ADCY5: variants seen among roughly 807,000 people sequenced by gnomAD.
ADCY5 encodes the protein adenylate cyclase 5.
ADCY5 carries 30 observed loss-of-function variants against 119.7 expected under a neutral mutation model. The ratio of observed to expected loss-of-function variants is 0.25; its 90% CI spans 0.19 to 0.34. The LOEUF is 0.34. Ranked by LOEUF, ADCY5 falls within the 10% of genes least tolerant of loss-of-function variation. The probability of loss-of-function intolerance (pLI) is 1.00; values close to 1 mark genes in which losing one functional copy is unlikely to be tolerated. For synonymous variants in ADCY5, 753 were observed against 762.2 expected (o/e 0.99, Z 0.20); for missense variants, 1,324 against 1,775.2 (o/e 0.75, Z 4.57).
intron 3 of ADCY5, among the ~76,000 whole-genome samples, chr3:123,337,260 G>GCCCTTAGGAA (rs1257155341): frequency 2.6e-5 from 4 of 152,194 alleles, no homozygotes; most frequent in Non-Finnish European, 4.4e-5. Flanking sequence ...CTACGACCCA[G>GCCCTTAGGAA]CCCTTAGGAA....
chr3:123,297,172 GGCCTCT>G, intron 16 of ADCY5, 175 bp downstream of exon 16: 1 of 1,352,860 alleles, frequency 7.4e-7, no homozygotes, highest in Non-Finnish European at 1.0e-6. Flanking sequence ...AAGTGACCAG[GGCCTCT>G]GCCCCCCGAG....
At chr3:123,292,417 T>G (rs976208327) in intron 17 of ADCY5, among the ~76,000 whole-genome samples, 2 of 152,062 alleles carry the variant, frequency 1.3e-5, no homozygotes, top group Non-Finnish European at 1.5e-5. Context: ...GCCCTGCCCC[T>G]AAGGTAAGTG....
chr3:123,388,018 G>A (rs1944281349), intron 1 of ADCY5, among the ~76,000 whole-genome samples: 1 of 152,180 alleles, frequency 6.6e-6, no homozygotes, highest in Admixed American at 6.5e-5. Flanking sequence ...GACACTGGAG[G>A]GACAGAAAGC....
chr3:123,347,028 C>T (rs548981293), intron 3 of ADCY5, among the ~76,000 whole-genome samples: 17 of 152,274 alleles, frequency 1.1e-4, no homozygotes, highest in African/African-American at 2.6e-4. Context: ...GGCTCTGGAG[C>T]GGCCACTTGG....
chr3:123,400,934 T>C (rs1286517280), intron 1 of ADCY5, among the ~76,000 whole-genome samples: 1 of 149,188 alleles, frequency 6.7e-6, no homozygotes, highest in Non-Finnish European at 1.5e-5. Context: ...AGAACAAAAC[T>C]CCGTCTCAAA....
intron 1 of ADCY5, among the ~76,000 whole-genome samples, chr3:123,374,054 C>A (rs1210342873): frequency 2.0e-5 from 3 of 152,134 alleles, no homozygotes; most frequent in Non-Finnish European, 2.9e-5. Flanking sequence ...CAGGAGAAAC[C>A]ACACAAGTGG....
intron 3 of ADCY5, 91 bp from the exon 4 acceptor site, chr3:123,332,766 T>G (rs568846885): frequency 1.1e-6 from 1 of 911,122 alleles, no homozygotes. Flanking sequence ...TTCTTTTCTT[T>G]TTTTTTAAGA....
rs368728140 is a variant in ADCY5 at position 123,330,874 on chromosome 3, G to A, written c.1646+15C>T. The stretch of plus-strand genomic sequence containing the variant: ...TCCCAGGGAGGGAGACGGTACCCGG[G>A]GGGTGGACACTTACGAGATGGCCTC... On this transcript the variant is annotated intron_variant, in intron 5 of 20. Coordinates refer to ENST00000462833, the MANE Select transcript of ADCY5 (RefSeq NM_183357.3). 3 of 1,604,000 alleles carry A rather than the reference G, an allele frequency of 1.9e-6. No individual in the cohort carries two copies. In the African/African-American group the frequency reaches 4.0e-5, roughly 22 times the overall value.
At chr3:123,306,937 T>G (rs926582040) in intron 12 of ADCY5, among the ~76,000 whole-genome samples, 8 of 152,246 alleles carry the variant, frequency 5.3e-5, no homozygotes, top group African/African-American at 1.9e-4. Flanking sequence ...TGCTGTTACA[T>G]GCTACATGGA....
chr3:123,294,172 A>T (rs115290586), intron 17 of ADCY5, among the ~76,000 whole-genome samples: 1 of 152,134 alleles, frequency 6.6e-6, no homozygotes, highest in Non-Finnish European at 1.5e-5. Flanking sequence ...AAGCAAATCA[A>T]TGGAGGAGGA....
intron 3 of ADCY5, among the ~76,000 whole-genome samples, chr3:123,344,999 T>C (rs749693018): frequency 5.9e-5 from 9 of 152,194 alleles, no homozygotes; most frequent in Admixed American, 2.6e-4. Context: ...TCCTGGCACA[T>C]CCCAGAGAGA....
At chr3:123,321,077 C>T (rs1185463450) in intron 8 of ADCY5, among the ~76,000 whole-genome samples, 1 of 152,178 alleles carries the variant, frequency 6.6e-6, no homozygotes, top group East Asian at 1.9e-4. Flanking sequence ...CTAAATCTCT[C>T]CTCGCCATCC....
In ADCY5 at chr3:123,300,935, G is replaced by A. The variant is rs575638978; in HGVS notation, c.2725-640C>T. 2.0e-5 allele frequency among the ~76,000 whole-genome samples: 3 copies of A among 152,288 alleles called. No homozygotes were observed. In the South Asian group the frequency reaches 6.2e-4, roughly 32 times the overall value. ...ATTTCATGATCAGACTCCACTGGGG[G>A]TGGGAGGCAACCTTTTAAAATCTGA... is the stretch of plus-strand genomic sequence containing the variant. On this transcript the variant is annotated intron_variant, in intron 14 of 20. Transcript: ENST00000462833.
chr3:123,377,090 G>A (rs757302126), intron 1 of ADCY5, among the ~76,000 whole-genome samples: 46 of 152,134 alleles, frequency 3.0e-4, no homozygotes, highest in Non-Finnish European at 1.5e-4. Context: ...GCTGACAAGC[G>A]CACAGCAGAC....
intron 1 of ADCY5, among the ~76,000 whole-genome samples, chr3:123,435,755 T>C (rs993597480): frequency 3.6e-4 from 54 of 151,488 alleles, no homozygotes; most frequent in African/African-American, 1.2e-3. Context: ...TATAATCAGC[T>C]GAGACCTATA....
chr3:123,309,925 T>C (rs960127566), intron 12 of ADCY5, among the ~76,000 whole-genome samples: 2 of 151,996 alleles, frequency 1.3e-5, no homozygotes, highest in Non-Finnish European at 2.9e-5. Flanking sequence ...TGGGTTTAGC[T>C]ACACGCAGGC....
intron 1 of ADCY5, among the ~76,000 whole-genome samples, chr3:123,387,846 G>A (rs1368605572): frequency 6.6e-6 from 1 of 152,218 alleles, no homozygotes; most frequent in Non-Finnish European, 1.5e-5. Flanking sequence ...ATAAAACCAG[G>A]AGAGTACAAC....
intron 1 of ADCY5, among the ~76,000 whole-genome samples, chr3:123,405,852 C>G (rs926822594): frequency 6.6e-6 from 1 of 152,148 alleles, no homozygotes; most frequent in Non-Finnish European, 1.5e-5. Context: ...CCAGGCTGGT[C>G]TAAAACTACT....
chr3:123,356,461 G>A (rs1452658321), intron 1 of ADCY5, among the ~76,000 whole-genome samples: 6 of 151,994 alleles, frequency 3.9e-5, no homozygotes, highest in Non-Finnish European at 7.4e-5. Context: ...TTAAAAAATC[G>A]TGATAGATCT....
Sources: allele counts gnomAD v4.1 joint callset (sites outside exome capture counted in the v4.1 genomes callset), GRCh38; gene constraint gnomAD v4.1.1; transcripts MANE v1.5; gene names NCBI Gene and HGNC (gene_info 2026-07-23, HGNC 2026-07-21).